TRERF1: variants seen among roughly 807,000 people sequenced by gnomAD.
TRERF1 encodes transcriptional-regulating factor 1.
In TRERF1, 27 loss-of-function variants were observed where a neutral mutation model predicts 122.9. That is an observed-to-expected ratio of 0.22 (90% CI 0.16 to 0.30). TRERF1 has a LOEUF of 0.30. Ranked by LOEUF, TRERF1 falls within the 10% of genes least tolerant of loss-of-function variation. TRERF1 has a pLI of 1.00. For synonymous variants in TRERF1, 636 were observed against 641.7 expected (o/e 0.99, Z 0.13); for missense variants, 1,248 against 1,560.3 (o/e 0.80, Z 3.37).
chr6:42,398,883 C>T (rs1479135057), intron 2 of TRERF1, among the ~76,000 whole-genome samples: 1 of 152,228 alleles, frequency 6.6e-6, no homozygotes, highest in Non-Finnish European at 1.5e-5. Context: ...GGGAGACCAT[C>T]CCACAGGTAA....
At chr6:42,342,086 G>C (rs1443306931) in intron 3 of TRERF1, among the ~76,000 whole-genome samples, 1 of 152,222 alleles carries the variant, frequency 6.6e-6, no homozygotes, top group Non-Finnish European at 1.5e-5. Flanking sequence ...CATTTATTCT[G>C]CATGTGTCTA....
chr6:42,421,066 C>T (rs1782689090), intron 2 of TRERF1, among the ~76,000 whole-genome samples: 1 of 152,238 alleles, frequency 6.6e-6, no homozygotes. Context: ...CTCTTACATG[C>T]TCCATGACCC....
chr6:42,317,873 G>A (rs1762748197), intron 3 of TRERF1, among the ~76,000 whole-genome samples: 1 of 151,992 alleles, frequency 6.6e-6, no homozygotes, highest in African/African-American at 2.4e-5. Context: ...AAAGTTCTAG[G>A]CTAGGCACGG....
At chr6:42,251,709 T>C (rs1327217367) in intron 13 of TRERF1, among the ~76,000 whole-genome samples, 1 of 152,140 alleles carries the variant, frequency 6.6e-6, no homozygotes, top group African/African-American at 2.4e-5. Flanking sequence ...CTCATCTAAC[T>C]GGGGCAGCTT....
chr6:42,253,946 G>A lies in TRERF1; in HGVS notation c.2656+905C>T, dbSNP rs1776281499. Among the ~76,000 whole-genome samples the A allele has an allele frequency of 2.6e-5, 4 of 152,342 alleles. No individual in the cohort carries two copies. The South Asian group carries it at 8.3e-4, about 32-fold the overall frequency. Reference sequence around the variant, plus strand: ...AAGTGATTAAAAATCAAGAGGCACTGAAAATTCAGCCCCCTCCAAAATAAA... The same window carrying A: ...AAGTGATTAAAAATCAAGAGGCACTAAAAATTCAGCCCCCTCCAAAATAAA... On this transcript the variant is annotated intron_variant, in intron 13 of 17. Coordinates refer to ENST00000372922, the Ensembl canonical transcript of TRERF1.
At chr6:42,260,252 G>A (rs984297325) in intron 8 of TRERF1, among the ~76,000 whole-genome samples, 5 of 151,858 alleles carry the variant, frequency 3.3e-5, no homozygotes, top group Non-Finnish European at 7.4e-5. Context: ...ACTTTCAGCA[G>A]GGGGGGAGAG....
At chr6:42,392,863 G>C (rs935697658) in intron 2 of TRERF1, among the ~76,000 whole-genome samples, 1 of 151,966 alleles carries the variant, frequency 6.6e-6, no homozygotes, top group Non-Finnish European at 1.5e-5. Context: ...GTACACTGGA[G>C]ATGAAGTCCT....
chr6:42,429,662 C>T (rs1185792757), intron 2 of TRERF1, among the ~76,000 whole-genome samples: 6 of 152,154 alleles, frequency 3.9e-5, no homozygotes, highest in Non-Finnish European at 8.8e-5. Context: ...CCCGAGCCCC[C>T]AAGGACACAG....
intron 2 of TRERF1, among the ~76,000 whole-genome samples, chr6:42,394,301 G>A (rs774240727): frequency 5.3e-5 from 8 of 151,842 alleles, no homozygotes; most frequent in Non-Finnish European, 1.0e-4. Context: ...TGCCTCCTCC[G>A]TCAGCAGGCT....
chr6:42,431,708 C>T (rs753328278), intron 2 of TRERF1, among the ~76,000 whole-genome samples: 1 of 152,132 alleles, frequency 6.6e-6, no homozygotes, highest in African/African-American at 2.4e-5. Context: ...TCCCTTGTCA[C>T]TCAATACACA....
chr6:42,429,326 G>C (rs987579681), intron 2 of TRERF1, among the ~76,000 whole-genome samples: 1 of 152,062 alleles, frequency 6.6e-6, no homozygotes, highest in Non-Finnish European at 1.5e-5. Flanking sequence ...CTTTCCCGTG[G>C]ATGGACCCTG....
At chr6:42,305,006 G>A (rs1202086824) in intron 3 of TRERF1, among the ~76,000 whole-genome samples, 1 of 152,164 alleles carries the variant, frequency 6.6e-6, no homozygotes, top group Admixed American at 6.5e-5. Context: ...ATATCCCAAA[G>A]GCCAAAGAAC....
chr6:42,445,566 C>T (rs1449560906), intron 2 of TRERF1, among the ~76,000 whole-genome samples: 1 of 151,772 alleles, frequency 6.6e-6, no homozygotes, highest in Non-Finnish European at 1.5e-5. Flanking sequence ...GTCTAATAGG[C>T]ACCTCAAACT....
At chr6:42,367,582 C>T (rs920456145) in intron 2 of TRERF1, among the ~76,000 whole-genome samples, 5 of 152,192 alleles carry the variant, frequency 3.3e-5, no homozygotes, top group African/African-American at 9.7e-5. Context: ...GCACCAAGAT[C>T]TTCCTGGCTG....
intron 3 of TRERF1, among the ~76,000 whole-genome samples, chr6:42,308,610 A>G (rs1335479321): frequency 6.6e-6 from 1 of 152,200 alleles, no homozygotes. Flanking sequence ...AGCCATAAAG[A>G]AGAACGAGAT....
chr6:42,447,947 G>A (rs1328261746), intron 2 of TRERF1, among the ~76,000 whole-genome samples: 4 of 151,978 alleles, frequency 2.6e-5, no homozygotes, highest in African/African-American at 9.7e-5. Context: ...CAGGTGATCC[G>A]CCTGCCTCGG....
At chr6:42,377,903 G>A (rs185018916) in intron 2 of TRERF1, among the ~76,000 whole-genome samples, 10 of 152,280 alleles carry the variant, frequency 6.6e-5, no homozygotes, top group Non-Finnish European at 1.2e-4. Context: ...CAGCCCGTGC[G>A]GTCTCACAGG....
In TRERF1 at chr6:42,375,297, G is replaced by A. The variant is rs138933539; in HGVS notation, c.-453-12218C>T. Among the ~76,000 whole-genome samples the A allele has an allele frequency of 6.1e-3, 930 of 152,310 alleles. 10 individuals are homozygous for A. The highest frequency in any genetic ancestry group is 0.021 in the African/African-American group (865 of 41,566). ...AGCCCGAAATCCAAGAGATCCTGCA[G>A]AATTGGATACTCCATGAAAGCCACC... On this transcript the variant is annotated intron_variant, in intron 2 of 17. Transcript: ENST00000372922.
At chr6:42,437,017 GCC>G (rs1266986520) in intron 2 of TRERF1, among the ~76,000 whole-genome samples, 21 of 151,916 alleles carry the variant, frequency 1.4e-4, no homozygotes, top group Admixed American at 1.4e-3. Flanking sequence ...AGACTGCAGA[GCC>G]CATGACTTCC....
Sources: gnomAD v4.1 joint callset for allele counts (sites outside exome capture counted in the v4.1 genomes callset) on GRCh38, gnomAD v4.1.1 for gene constraint, MANE v1.5 for transcripts, NCBI Gene and HGNC (gene_info 2026-07-23, HGNC 2026-07-21) for gene names.